Variants in GIT2 observed in about 807,000 individuals in gnomAD.
GIT2 encodes GIT ArfGAP 2, also known as ARF GTPase-activating protein GIT2.
GIT2 carries 32 observed loss-of-function variants against 100.3 expected under a neutral mutation model. The ratio of observed to expected loss-of-function variants is 0.32; its 90% CI spans 0.24 to 0.43. The LOEUF (loss-of-function observed/expected upper bound fraction) is 0.43, where lower values mean the gene tolerates loss of function less well. Ranked by LOEUF, GIT2 falls within the 20% of genes least tolerant of loss-of-function variation. The probability of loss-of-function intolerance (pLI) is 1.00; values close to 1 mark genes in which losing one functional copy is unlikely to be tolerated. For synonymous variants in GIT2, 353 were observed against 364.1 expected (o/e 0.97, Z 0.35); for missense variants, 737 against 975.1 (o/e 0.76, Z 3.25).
At chr12:109,950,322 G>T (rs1315344456) in intron 14 of GIT2, among the ~76,000 whole-genome samples, 1 of 152,186 alleles carries the variant, frequency 6.6e-6, no homozygotes, top group Non-Finnish European at 1.5e-5. Context: ...ACAGCCTAAA[G>T]ACATAGATTA....
At chr12:109,976,729 C>T (rs1032947466) in intron 7 of GIT2, among the ~76,000 whole-genome samples, 14 of 151,644 alleles carry the variant, frequency 9.2e-5, no homozygotes, top group Admixed American at 5.3e-4. Flanking sequence ...GCTGGGTTTA[C>T]AGGCATGTAC....
intron 14 of GIT2, among the ~76,000 whole-genome samples, chr12:109,950,048 C>A (rs967111696): frequency 7.2e-5 from 11 of 152,224 alleles, no homozygotes; most frequent in African/African-American, 2.7e-4. Flanking sequence ...AAGCATTCTT[C>A]ATTCCCTGCT....
chr12:109,941,377 T>C (rs563153154), intron 16 of GIT2, among the ~76,000 whole-genome samples: 1 of 152,280 alleles, frequency 6.6e-6, no homozygotes, highest in African/African-American at 2.4e-5. Flanking sequence ...TCTGGCTTTA[T>C]GAACAGTCAG....
intron 13 of GIT2, among the ~76,000 whole-genome samples, chr12:109,951,976 T>C (rs1481617722): frequency 6.6e-6 from 1 of 152,074 alleles, no homozygotes; most frequent in Non-Finnish European, 1.5e-5. Flanking sequence ...GTGTGTGGGA[T>C]GGACTGGGCA....
chr12:109,987,291 G>A (rs1421422462), intron 4 of GIT2, among the ~76,000 whole-genome samples: 1 of 152,054 alleles, frequency 6.6e-6, no homozygotes, highest in East Asian at 2.0e-4. Flanking sequence ...GGCTGAGGCA[G>A]GAGAATGGCA....
intron 8 of GIT2, chr12:109,965,822 A>G (rs1882202205): frequency 1.4e-5 from 9 of 635,108 alleles, no homozygotes; most frequent in Admixed American, 1.2e-4. Context: ...TCCACCAACT[A>G]AACGACAAAA....
intron 11 of GIT2, among the ~76,000 whole-genome samples, chr12:109,960,293 C>A (rs1177359959): frequency 6.6e-6 from 1 of 152,002 alleles, no homozygotes; most frequent in Non-Finnish European, 1.5e-5. Flanking sequence ...GGAAGTAGAC[C>A]CAGTAATAAT....
chr12:109,996,318 G>A lies in GIT2; in HGVS notation c.-94C>T. 1 of 865,266 alleles carries A rather than the reference G, an allele frequency of 1.2e-6. No homozygotes were observed. Among genetic ancestry groups the A allele is most frequent in the Non-Finnish European group, 1.7e-6 (1 of 573,318 alleles). The allele number at this position is 865,266 out of a possible 1,614,324, so 53.6% of individuals were successfully genotyped here. On this transcript the variant is annotated 5_prime_UTR_variant, in exon 1 of 20. Coordinates refer to ENST00000355312, the MANE Select transcript of GIT2 (RefSeq NM_057169.5). ...TTCCGCTCTAACGGGTCCCAGCTGC[G>A]GCGGCGCTGACGGCGGCGCCTCTCC... is the stretch of plus-strand genomic sequence containing the variant.
At chr12:109,942,771 A>C (rs1875171134) in intron 16 of GIT2, 1 of 152,238 alleles carries the variant, frequency 6.6e-6, no homozygotes, top group Non-Finnish European at 1.5e-5. Context: ...TAATAAATGC[A>C]TTTGGTAAAT....
rs781492736 is a variant in GIT2, at chr12:109,933,087, G to A, written c.2171C>T (p.Ser724Leu). The A allele has an allele frequency of 1.9e-6, 3 of 1,613,186 alleles. No homozygotes were observed. The highest frequency in any genetic ancestry group is 2.2e-5 in the South Asian group (2 of 91,070). Residue 724 changes from serine (S) to leucine (L), a missense_variant, in exon 20 of 20, where the codon TCA becomes TTA. By Grantham distance (145) the Ser-to-Leu change is moderately radical (BLOSUM62 -2). Coordinates refer to ENST00000355312, the MANE Select transcript of GIT2 (RefSeq NM_057169.5). The surrounding 1 kb of genome is among the most constrained non-coding windows in gnomAD (Gnocchi z 4.5). The part of the protein sequence containing the change: ...CKKTLPGDPG[S>L]PTDVQLVTQQ... ...CGTGACCAGCTGAACGTCTGTGGGT[G>A]AGCCGGGGTCCCCTGGGAGGGTCTT...
At chr12:109,949,041 T>C (rs1877112317) in intron 14 of GIT2, 2 of 580,914 alleles carry the variant, frequency 3.4e-6, no homozygotes, top group Non-Finnish European at 6.0e-6. Context: ...CCACTCATTC[T>C]GTTTCTCTGA....
rs1872502213 is a variant in GIT2, at chr12:109,934,692, T to G, written c.2004-607A>C. 6.6e-6 allele frequency among the ~76,000 whole-genome samples: 1 copy of G among 152,218 alleles called. No homozygotes were observed. Among genetic ancestry groups the G allele is most frequent in the African/African-American group, 2.4e-5 (1 of 41,450 alleles). The stretch of plus-strand genomic sequence containing the variant: ...ACGGTGTCCAGCCCTTTCCCCATTT[T>G]TTAAACCATGAAGTTGGCTTCTGAA... On this transcript the variant is annotated intron_variant, in intron 18 of 19. Coordinates refer to ENST00000355312, the MANE Select transcript of GIT2 (RefSeq NM_057169.5). This position sits in a 1 kb window ranked among gnomAD's most constrained non-coding sequence, Gnocchi z 4.5.
intron 17 of GIT2, 54 bp from the exon 18 acceptor site, chr12:109,938,622 C>G: frequency 2.2e-6 from 3 of 1,369,182 alleles, no homozygotes; most frequent in Non-Finnish European, 3.0e-6. Context: ...AGCTGCCCCT[C>G]TGCTTCTAGG....
chr12:109,939,861 G>GTA (rs1449100481), intron 16 of GIT2: 1 of 152,310 alleles, frequency 6.6e-6, no homozygotes, highest in African/African-American at 2.4e-5. Context: ...GGGAAACAGA[G>GTA]TAAGATAAGA....
Position 109,948,325 on chromosome 12 carries a change from C to A in GIT2, c.1393-821G>T, listed in dbSNP as rs1876894296. On this transcript the variant is annotated intron_variant, in intron 14 of 19. Coordinates refer to ENST00000355312, the MANE Select transcript of GIT2 (RefSeq NM_057169.5). This position sits in a 1 kb window ranked among gnomAD's most constrained non-coding sequence, Gnocchi z 4.3. ...TGGCCTTTCTCTCCTTTGGCTTTGT[C>A]ACCCAAAAAACACGACCTCAGTGGT... 1.0e-6 allele frequency: 1 copy of A among 987,666 alleles called. No homozygotes were observed. Among genetic ancestry groups the A allele is most frequent in the African/African-American group, 1.7e-5 (1 of 57,254 alleles). 61.2% of individuals were successfully genotyped at this position (987,666 alleles called of 1,614,324 possible). A position where few individuals can be genotyped will look rare whatever the true frequency, so the allele number is the denominator to read the frequency against.
Position 109,934,135 on chromosome 12 carries a change from G to T in GIT2, c.2004-50C>A. On this transcript the variant is annotated intron_variant, in intron 18 of 19. Transcript: ENST00000355312. The surrounding 1 kb of genome is among the most constrained non-coding windows in gnomAD (Gnocchi z 4.5). Reference sequence around the variant, plus strand: ...TCAATGACAGTAAAAATGATTCGGAGGCAAAGAGGACTCAAGTGCTAGAAC... The same window carrying T: ...TCAATGACAGTAAAAATGATTCGGATGCAAAGAGGACTCAAGTGCTAGAAC... 1 of 1,000,292 alleles carries T rather than the reference G, an allele frequency of 1.0e-6. No individual in the cohort carries two copies. Among genetic ancestry groups the T allele is most frequent in the Non-Finnish European group, 1.6e-6 (1 of 619,418 alleles). The allele number at this position is 1,000,292 out of a possible 1,614,324, so 62.0% of individuals were successfully genotyped here.
chr12:109,953,165 G>A lies in GIT2; in HGVS notation c.1169C>T (p.Pro390Leu). Reference protein sequence around the residue: ...HSVESQDNDQPDYDSVASDED... With the variant: ...HSVESQDNDQLDYDSVASDED... Reference sequence around the variant, plus strand: ...GTCTGATGCCACGCTGTCATAGTCGGGCTGATCGTTGTCTTGACTCTCAAC... The same window carrying A: ...GTCTGATGCCACGCTGTCATAGTCGAGCTGATCGTTGTCTTGACTCTCAAC... The change falls in exon 13 of 20, where the codon CCC (proline) becomes CTC (leucine). Residue 390 changes from proline to leucine, a missense_variant. Coordinates refer to ENST00000355312, the MANE Select transcript of GIT2 (RefSeq NM_057169.5). 2 of 1,613,978 alleles carry A rather than the reference G, an allele frequency of 1.2e-6. No individual in the cohort carries two copies. Among genetic ancestry groups the A allele is most frequent in the Non-Finnish European group, 1.7e-6 (2 of 1,179,858 alleles).
upstream of GIT2, among the ~76,000 whole-genome samples, chr12:109,997,236 G>A (rs936715584): frequency 8.7e-5 from 13 of 149,100 alleles, no homozygotes; most frequent in Middle Eastern, 3.4e-3. Context: ...AAAATTAGCC[G>A]GGCGTGGTGG....
chr12:109,972,301 A>C (rs1777760984), intron 7 of GIT2, among the ~76,000 whole-genome samples: 1 of 152,196 alleles, frequency 6.6e-6, no homozygotes, highest in Admixed American at 6.6e-5. Context: ...TTTCATCATT[A>C]AATAGATACT....
Sources: gnomAD v4.1 joint callset for allele counts (sites outside exome capture counted in the v4.1 genomes callset) on GRCh38, gnomAD v4.1.1 for gene constraint, Gnocchi (gnomAD v3.1) non-coding constraint, MANE v1.5 for transcripts, NCBI Gene and HGNC (gene_info 2026-07-23, HGNC 2026-07-21) for gene names.